The following SOX6 variants were observed in gnomAD, a reference collection of about 807,000 sequenced individuals.
SOX6 encodes transcription factor SOX-6.
SOX6 carries 11 observed loss-of-function variants against 97.8 expected under a neutral mutation model. That is an observed-to-expected ratio of 0.11 (90% CI 0.07 to 0.19). The LOEUF (loss-of-function observed/expected upper bound fraction) is 0.19, where lower values mean the gene tolerates loss of function less well. Among genes scored for constraint, SOX6 ranks in the 10% least tolerant of loss-of-function variants. The probability of loss-of-function intolerance (pLI) is 1.00; values close to 1 mark genes in which losing one functional copy is unlikely to be tolerated. For missense variants in SOX6, 810 were observed against 1,039.5 expected (o/e 0.78, Z 3.04); for synonymous variants, 360 against 371.4 (o/e 0.97, Z 0.35).
rs117102583 is a variant in SOX6, at chr11:16,023,685, C to G, written c.1624-8635G>C. Reference sequence around the variant, plus strand: ...CTTACACATCTCTTACATTGCTTAGCAATTCACCATTAGCAATTCATTCTT... The same window carrying G: ...CTTACACATCTCTTACATTGCTTAGGAATTCACCATTAGCAATTCATTCTT... On this transcript the variant is annotated intron_variant, in intron 12 of 15. Coordinates refer to ENST00000683767, the MANE Select transcript of SOX6 (RefSeq NM_001367873.1). 6.9e-3 allele frequency among the ~76,000 whole-genome samples: 1,047 copies of G among 152,126 alleles called. 7 individuals carry two copies. Among genetic ancestry groups the G allele is most frequent in the Non-Finnish European group, 8.9e-3 (603 of 68,020 alleles).
chr11:16,346,733 G>A (rs886442702), intron 1 of SOX6, among the ~76,000 whole-genome samples: 7 of 152,050 alleles, frequency 4.6e-5, no homozygotes, highest in Admixed American at 1.3e-4. Context: ...AACACATGAG[G>A]ACAGTAACTA....
chr11:16,281,989 A>C (rs1343847874), intron 3 of SOX6, among the ~76,000 whole-genome samples: 1 of 130,674 alleles, frequency 7.7e-6, no homozygotes, highest in African/African-American at 2.6e-5. Context: ...TCATGTATAT[A>C]TATATATATA....
chr11:16,534,131 A>G (rs1259713562), intron 4 of SOX6, among the ~76,000 whole-genome samples: 2 of 152,164 alleles, frequency 1.3e-5, no homozygotes. Context: ...CAGAACCAAT[A>G]AGTCCAATAT....
chr11:16,574,530 T>C (rs1847965189), intron 4 of SOX6, among the ~76,000 whole-genome samples: 1 of 152,066 alleles, frequency 6.6e-6, no homozygotes, highest in Non-Finnish European at 1.5e-5. Flanking sequence ...ATTATCTTTA[T>C]GACCTCAGAT....
chr11:16,497,925 T>C (rs1267790972), intron 4 of SOX6, among the ~76,000 whole-genome samples: 6 of 152,298 alleles, frequency 3.9e-5, no homozygotes, highest in African/African-American at 1.4e-4. Flanking sequence ...TTCTCCAATC[T>C]AGCAAGGCAG....
chr11:15,979,755 C>T (rs1271525328), intron 15 of SOX6, among the ~76,000 whole-genome samples: 1 of 151,984 alleles, frequency 6.6e-6, no homozygotes, highest in Non-Finnish European at 1.5e-5. Context: ...TTGCTCCCTT[C>T]CCTACTGAGG....
At position 16,186,772 on chromosome 11, in the gene SOX6, G is replaced by A. The variant is rs372809218; in HGVS notation, c.708+11C>T. The A allele has an allele frequency of 1.7e-5, 27 of 1,612,152 alleles. No homozygotes were observed. The highest frequency in any genetic ancestry group is 2.1e-5 in the Non-Finnish European group (25 of 1,179,732). ...CATCTCCAGTTCGTCAGTGCCTTTT[G>A]CAGGGCTCACCTGTTCTTGCTGTTG... On this transcript the variant is annotated intron_variant, in intron 5 of 15. Coordinates refer to ENST00000683767, the MANE Select transcript of SOX6 (RefSeq NM_001367873.1).
At position 16,055,869 on chromosome 11, in the gene SOX6, C is replaced by G; in HGVS notation, c.1134G>C (p.Gln378His). 6.2e-7 allele frequency: 1 copy of G among 1,613,752 alleles called. No homozygotes were observed. ...ATGGCATCTTTGCTCCAGGTGACAC[C>G]TGCATGCTGGCCAGCTGAGCGGCAT... Reference protein sequence around the residue: ...QLYAAQLASMQVSPGAKMPST... With the variant: ...QLYAAQLASMHVSPGAKMPST... The change falls in exon 10 of 16, where the codon CAG becomes CAC. Residue 378 changes from glutamine (Q) to histidine (H), a missense_variant. By Grantham distance (24) the Gln-to-His change is conservative. This residue lies in a region of SOX6 where 244 missense variants were observed against 261.0 expected (regional missense o/e 0.93). Transcript: ENST00000683767.
chr11:16,566,301 A>T (rs1847873780), intron 4 of SOX6, among the ~76,000 whole-genome samples: 1 of 152,206 alleles, frequency 6.6e-6, no homozygotes, highest in Non-Finnish European at 1.5e-5. Flanking sequence ...AAATCTCTTT[A>T]GGCTCATCTT....
At chr11:16,216,358 T>C (rs1002229226) in intron 4 of SOX6, among the ~76,000 whole-genome samples, 24 of 152,304 alleles carry the variant, frequency 1.6e-4, no homozygotes, top group Admixed American at 4.6e-4. Flanking sequence ...GTGGAGTGAC[T>C]GAGATTCTAC....
rs1554976100 is a variant in SOX6, at chr11:16,583,616, T to TATATATATATATACACACACAC, written n.609+28464_609+28465insGTGTGTGTGTATATATATATAT. Among the ~76,000 whole-genome samples, 20 of 52,504 alleles carry TATATATATATATACACACACAC rather than the reference T, an allele frequency of 3.8e-4. No individual in the cohort carries two copies. The East Asian group carries it at 0.019, about 49-fold the overall frequency. The allele number at this position is 52,504 out of a possible 152,430, so 34.4% of individuals were successfully genotyped here. On this transcript the variant is annotated intron_variant and non_coding_transcript_variant, in intron 4 of 5. Transcript: ENST00000524520. ...ATGTATATATGTGTATATATATACA[T>TATATATATATATACACACACAC]ATATATATATATATATATATACACA...
At chr11:16,386,818 T>C (rs1176908785) in intron 1 of SOX6, among the ~76,000 whole-genome samples, 1 of 152,174 alleles carries the variant, frequency 6.6e-6, no homozygotes, top group East Asian at 1.9e-4. Context: ...AATATTTATT[T>C]AATGCCTTCC....
intron 12 of SOX6, among the ~76,000 whole-genome samples, chr11:16,023,582 T>C (rs1462340197): frequency 1.3e-5 from 2 of 152,144 alleles, no homozygotes; most frequent in African/African-American, 2.4e-5. Context: ...ACAGAAAATC[T>C]GCCTTATTAT....
intron 1 of SOX6, among the ~76,000 whole-genome samples, chr11:16,466,844 T>C (rs1279113493): frequency 5.8e-4 from 78 of 133,862 alleles, no homozygotes; most frequent in African/African-American, 2.1e-3. Context: ...GGCAGGAGAA[T>C]GGCGTGAACC....
At chr11:16,721,918 G>A (rs561408271) in intron 2 of SOX6, among the ~76,000 whole-genome samples, 1 of 152,032 alleles carries the variant, frequency 6.6e-6, no homozygotes, top group South Asian at 2.1e-4. Flanking sequence ...TGACAAAGCT[G>A]ACAAAAACAA....
At chr11:16,071,309 T>C (rs1848219342) in intron 9 of SOX6, among the ~76,000 whole-genome samples, 1 of 152,166 alleles carries the variant, frequency 6.6e-6, no homozygotes, top group South Asian at 2.1e-4. Context: ...CCTCCACTGG[T>C]AGCCAGGCAG....
chr11:16,248,905 G>A lies in SOX6; in HGVS notation c.446-14234C>T, dbSNP rs554110912. The stretch of plus-strand genomic sequence containing the variant: ...GAGGTCAGGAGATTGAGACAATCCT[G>A]GCTAACACGGTGAAACCCCATCTCT... On this transcript the variant is annotated intron_variant, in intron 3 of 15. Coordinates refer to ENST00000683767, the MANE Select transcript of SOX6 (RefSeq NM_001367873.1). Among the ~76,000 whole-genome samples the A allele has an allele frequency of 9.9e-5, 15 of 152,124 alleles. No individual in the cohort carries two copies. In the South Asian group the frequency reaches 2.7e-3, roughly 27 times the overall value.
At chr11:16,408,073 T>G (rs1858722873) in intron 1 of SOX6, among the ~76,000 whole-genome samples, 1 of 152,140 alleles carries the variant, frequency 6.6e-6, no homozygotes, top group Admixed American at 6.6e-5. Flanking sequence ...ATCAACCAAC[T>G]CCTCTCACCT....
intron 3 of SOX6, chr11:16,645,964 A>C (rs1849007696): frequency 6.6e-6 from 1 of 152,232 alleles, no homozygotes; most frequent in Admixed American, 6.5e-5. Flanking sequence ...GGCTTAAAAA[A>C]ATAAATGTTA....
Sources: gnomAD v4.1 joint callset for allele counts (sites outside exome capture counted in the v4.1 genomes callset) on GRCh38, gnomAD v4.1.1 for gene constraint, gnomAD v4.1.1 regional missense constraint, MANE v1.5 for transcripts, NCBI Gene and HGNC (gene_info 2026-07-23, HGNC 2026-07-21) for gene names.